Variants in C1QTNF3 observed in about 807,000 individuals in gnomAD.
C1QTNF3 encodes C1q and TNF related 3.
C1QTNF3 carries 26 observed loss-of-function variants against 32.6 expected under a neutral mutation model. The observed-to-expected ratio is 0.80, with a 90% CI of 0.58 to 1.11. The LOEUF (loss-of-function observed/expected upper bound fraction) is 1.11, where lower values mean the gene tolerates loss of function less well. Among genes scored for constraint, C1QTNF3 ranks in the 50% least tolerant of loss-of-function variants. The pLI is 0.00. For synonymous variants in C1QTNF3, 155 were observed against 146.0 expected (o/e 1.06, Z -0.44); for missense variants, 362 against 398.2 (o/e 0.91, Z 0.77).
chr5:34,162,946 G>A, the C1QTNF3 span, among the ~76,000 whole-genome samples: 1 of 152,092 alleles, frequency 6.6e-6, no homozygotes, highest in Non-Finnish European at 1.5e-5. Flanking sequence ...GAGAGAACAA[G>A]ATAAACATGT....
the C1QTNF3 span, among the ~76,000 whole-genome samples, chr5:34,236,397 AAAAG>A: frequency 1.3e-5 from 2 of 151,898 alleles, no homozygotes; most frequent in African/African-American, 2.4e-5. Context: ...TCTCAAAAAA[AAAAG>A]AAGAAGAAAA....
the C1QTNF3 span, among the ~76,000 whole-genome samples, chr5:34,097,396 G>A: frequency 1.3e-5 from 2 of 150,540 alleles, no homozygotes; most frequent in East Asian, 3.9e-4. Context: ...AAGAAATTGT[G>A]CATTTTTAAC....
In C1QTNF3 at chr5:34,035,705, G is replaced by T; in HGVS notation, c.357C>A (p.Asp119Glu). 1 of 1,612,328 alleles carries T rather than the reference G, an allele frequency of 6.2e-7. No individual in the cohort carries two copies. Among genetic ancestry groups the T allele is most frequent in the Non-Finnish European group, 8.5e-7 (1 of 1,179,486 alleles). Residue 119 changes from aspartate (D) to glutamate (E), a missense_variant, in exon 2 of 6, where the codon GAC (aspartate) becomes GAA (glutamate). Coordinates refer to ENST00000382065, the MANE Select transcript of C1QTNF3 (RefSeq NM_181435.6). Reference protein sequence around the residue: ...PPDCSKCCHGDYSFRGYQGPP... With the variant: ...PPDCSKCCHGEYSFRGYQGPP... The stretch of plus-strand genomic sequence containing the variant: ...GGCCTTGGTAGCCTCGAAAGCTGTA[G>T]TCTCCATGACAACACTTACTGCAGT...
At chr5:34,210,510 A>ATT in the C1QTNF3 span, among the ~76,000 whole-genome samples, 8 of 145,278 alleles carry the variant, frequency 5.5e-5, no homozygotes, top group East Asian at 9.9e-4. Flanking sequence ...TGCTCACATA[A>ATT]TTTTTTTTTT....
chr5:34,166,683 C>T, the C1QTNF3 span: 10 of 151,952 alleles, frequency 6.6e-5, no homozygotes, highest in African/African-American at 1.9e-4. Context: ...ATAAAGATTC[C>T]CATATTTCCA....
At chr5:34,174,841 G>A in the C1QTNF3 span, among the ~76,000 whole-genome samples, 4 of 151,984 alleles carry the variant, frequency 2.6e-5, no homozygotes, top group Admixed American at 6.6e-5. Context: ...CTGGGTTCAT[G>A]CCATTTCCTG....
At chr5:34,169,870 C>T in the C1QTNF3 span, among the ~76,000 whole-genome samples, 6 of 152,080 alleles carry the variant, frequency 3.9e-5, no homozygotes, top group Admixed American at 2.0e-4. Context: ...AACAGTATGG[C>T]GGTTCCTCCA....
At chr5:34,208,228 G>C in the C1QTNF3 span, among the ~76,000 whole-genome samples, 4 of 152,352 alleles carry the variant, frequency 2.6e-5, no homozygotes, top group South Asian at 8.3e-4. Context: ...ATTCTAAAAT[G>C]TAGATTTATT....
the C1QTNF3 span, among the ~76,000 whole-genome samples, chr5:34,107,237 T>C: frequency 7.5e-6 from 1 of 132,852 alleles, no homozygotes; most frequent in Non-Finnish European, 1.6e-5. Flanking sequence ...CATAATGTTT[T>C]TCATTAAGAC....
chr5:34,136,149 G>T, the C1QTNF3 span, among the ~76,000 whole-genome samples: 2 of 152,144 alleles, frequency 1.3e-5, no homozygotes, highest in African/African-American at 4.8e-5. Context: ...ATTGACAAAT[G>T]GGATCTAATT....
the C1QTNF3 span, chr5:34,167,486 G>T: frequency 1.3e-5 from 2 of 152,194 alleles, no homozygotes; most frequent in African/African-American, 4.8e-5. Flanking sequence ...ATGTAGCAAA[G>T]TTCCTGCCTT....
chr5:34,113,875 T>C, the C1QTNF3 span, among the ~76,000 whole-genome samples: 2 of 152,190 alleles, frequency 1.3e-5, no homozygotes, highest in Admixed American at 1.3e-4. Flanking sequence ...ATGCAAAAAC[T>C]ACTTATTAAA....
At chr5:34,051,222 T>C in the C1QTNF3 span, among the ~76,000 whole-genome samples, 1 of 152,224 alleles carries the variant, frequency 6.6e-6, no homozygotes, top group African/African-American at 2.4e-5. Context: ...TGGTCCTAGA[T>C]GGCATTTGTG....
chr5:34,177,514 T>C, the C1QTNF3 span, among the ~76,000 whole-genome samples: 3 of 117,900 alleles, frequency 2.5e-5, no homozygotes, highest in African/African-American at 3.4e-5. Flanking sequence ...TGAGACGGAG[T>C]CTTGCTCTGT....
At chr5:34,197,907 G>A in the C1QTNF3 span, among the ~76,000 whole-genome samples, 23 of 152,070 alleles carry the variant, frequency 1.5e-4, no homozygotes, top group South Asian at 4.6e-3. Flanking sequence ...ATGGCAGAAG[G>A]GTCAAGGACG....
chr5:34,058,560 A>C, the C1QTNF3 span, among the ~76,000 whole-genome samples: 1 of 152,184 alleles, frequency 6.6e-6, no homozygotes, highest in South Asian at 2.1e-4. Flanking sequence ...CCCAGACAAA[A>C]GCCTGAGTCA....
At chr5:34,055,912 G>A in the C1QTNF3 span, among the ~76,000 whole-genome samples, 4 of 152,142 alleles carry the variant, frequency 2.6e-5, no homozygotes, top group Non-Finnish European at 5.9e-5. Context: ...GGGGAAATAC[G>A]GTCAATTGTC....
the C1QTNF3 span, among the ~76,000 whole-genome samples, chr5:34,104,526 GTTTTA>G: frequency 5.5e-5 from 2 of 36,130 alleles, no homozygotes; most frequent in East Asian, 5.1e-4. Flanking sequence ...ACTTTGCTTT[GTTTTA>G]TTTTATTTTA....
chr5:34,173,996 G>C, the C1QTNF3 span, among the ~76,000 whole-genome samples: 1 of 152,190 alleles, frequency 6.6e-6, no homozygotes, highest in South Asian at 2.1e-4. Context: ...GGAGTCTCTA[G>C]AACCAAAAGT....
Sources: allele counts gnomAD v4.1 joint callset (sites outside exome capture counted in the v4.1 genomes callset), GRCh38; gene constraint gnomAD v4.1.1; transcripts MANE v1.5; gene names NCBI Gene and HGNC (gene_info 2026-07-23, HGNC 2026-07-21).